NTRK3: variants seen among roughly 807,000 people sequenced by gnomAD.
The protein encoded by NTRK3 is NT-3 growth factor receptor.
In NTRK3, 24 loss-of-function variants were observed where a neutral mutation model predicts 91.7. The ratio of observed to expected loss-of-function variants is 0.26; its 90% CI spans 0.19 to 0.37. The LOEUF (loss-of-function observed/expected upper bound fraction) is 0.37. NTRK3 is among the 10% of genes least tolerant of loss of function. The pLI, the probability that NTRK3 is intolerant of heterozygous loss-of-function variation, is 1.00. For synonymous variants in NTRK3, 483 were observed against 404.0 expected, an observed-to-expected ratio of 1.20 and a Z score of -2.34; for missense variants, 880 against 1,068.9, an observed-to-expected ratio of 0.82 and a Z score of 2.46.
rs537095927 is a variant in NTRK3, at chr15:88,137,646, C to A, written c.465-85G>T. 3.5e-6 allele frequency: 5 copies of A among 1,428,922 alleles called. No individual in the cohort carries two copies. In the African/African-American group the frequency reaches 4.2e-5, roughly 12 times the overall value. The allele number at this position is 1,428,922 out of a possible 1,614,324, so 88.5% of individuals were successfully genotyped here. On this transcript the variant is annotated intron_variant, in intron 6 of 18. Transcript: ENST00000394480. ...CAGGGCTATGAGGACAAGGGGGACCCGACCTGTTCAGGGATTAAGGGGAGA... is the reference window on the plus strand; with the variant it reads ...CAGGGCTATGAGGACAAGGGGGACCAGACCTGTTCAGGGATTAAGGGGAGA...
intron 16 of NTRK3, among the ~76,000 whole-genome samples, chr15:87,932,747 T>C (rs924150028): frequency 6.6e-6 from 1 of 152,188 alleles, no homozygotes; most frequent in Non-Finnish European, 1.5e-5. Context: ...TCTGGACCTA[T>C]TCCAGACCCT....
intron 13 of NTRK3, among the ~76,000 whole-genome samples, chr15:88,103,451 A>G (rs915982563): frequency 6.6e-6 from 1 of 152,138 alleles, no homozygotes; most frequent in Non-Finnish European, 1.5e-5. Flanking sequence ...ACAACGACGG[A>G]CAGATATCTG....
intron 15 of NTRK3, among the ~76,000 whole-genome samples, chr15:87,937,135 T>C (rs997643538): frequency 2.0e-5 from 3 of 152,188 alleles, no homozygotes; most frequent in Non-Finnish European, 4.4e-5. Flanking sequence ...CCTTATGACC[T>C]CTACAGAACA....
intron 17 of NTRK3, among the ~76,000 whole-genome samples, chr15:87,891,254 C>A (rs1388058993): frequency 6.6e-6 from 1 of 152,166 alleles, no homozygotes; most frequent in Non-Finnish European, 1.5e-5. Flanking sequence ...GAAAACATAG[C>A]TATGTTTTAA....
chr15:88,099,823 C>G (rs1052161272), intron 13 of NTRK3, among the ~76,000 whole-genome samples: 1 of 152,130 alleles, frequency 6.6e-6, no homozygotes, highest in Non-Finnish European at 1.5e-5. Context: ...GGAAATTGAA[C>G]GCTATGGTGG....
intron 5 of NTRK3, among the ~76,000 whole-genome samples, chr15:88,182,564 C>A (rs936270608): frequency 6.6e-6 from 1 of 152,214 alleles, no homozygotes; most frequent in East Asian, 1.9e-4. Flanking sequence ...CCACCTGGTT[C>A]CTGCAGAGCC....
chr15:88,054,861 T>A (rs144512692), intron 13 of NTRK3, among the ~76,000 whole-genome samples: 94 of 152,318 alleles, frequency 6.2e-4, no homozygotes, highest in African/African-American at 2.1e-3. Context: ...TTTTCCAAAG[T>A]GCAAGTGATT....
At chr15:88,180,530 T>G (rs2046360582) in intron 5 of NTRK3, among the ~76,000 whole-genome samples, 1 of 152,146 alleles carries the variant, frequency 6.6e-6, no homozygotes, top group African/African-American at 2.4e-5. Context: ...AGAATTACAC[T>G]GATTAACGCA....
intron 14 of NTRK3, among the ~76,000 whole-genome samples, chr15:87,986,801 C>G (rs550504708): frequency 6.6e-6 from 1 of 152,230 alleles, no homozygotes; most frequent in African/African-American, 2.4e-5. Flanking sequence ...GCAAACTTAT[C>G]CTATAAAGGA....
At chr15:88,028,060 G>A (rs1160020598) in intron 14 of NTRK3, among the ~76,000 whole-genome samples, 2 of 152,088 alleles carry the variant, frequency 1.3e-5, no homozygotes, top group Non-Finnish European at 2.9e-5. Context: ...GAGGGAAAAT[G>A]GGCATTTCAA....
At chr15:88,097,479 G>A (rs1436473358) in intron 13 of NTRK3, among the ~76,000 whole-genome samples, 1 of 152,106 alleles carries the variant, frequency 6.6e-6, no homozygotes, top group Non-Finnish European at 1.5e-5. Context: ...TTTGTTGATT[G>A]GTCAAACTCT....
At chr15:88,053,333 T>G (rs1271821915) in intron 13 of NTRK3, among the ~76,000 whole-genome samples, 1 of 152,182 alleles carries the variant, frequency 6.6e-6, no homozygotes, top group Non-Finnish European at 1.5e-5. Context: ...CTCCACTTAA[T>G]AGCCAAGGCC....
intron 14 of NTRK3, chr15:87,979,342 T>G (rs201471039): frequency 1.2e-6 from 2 of 1,601,558 alleles, no homozygotes; most frequent in Non-Finnish European, 1.7e-6. Flanking sequence ...TTAAAAGGAG[T>G]TTTTAAAAGC....
intron 17 of NTRK3, among the ~76,000 whole-genome samples, chr15:87,904,883 G>A (rs1483277217): frequency 6.6e-6 from 1 of 152,202 alleles, no homozygotes; most frequent in Non-Finnish European, 1.5e-5. Flanking sequence ...AAGCTAATTT[G>A]CTTGCTTATT....
In NTRK3 at chr15:88,128,704, G is replaced by T. The variant is rs1472783111; in HGVS notation, c.1228+7C>A. ...CAGTTTCAAAGCAACAGGTAAAGCA[G>T]ACTTACACAAGATAAAGTTATCCGT... On this transcript the variant is annotated splice_region_variant and intron_variant, in intron 11 of 18. Transcript: ENST00000394480. The T allele has an allele frequency of 6.2e-7, 1 of 1,613,822 alleles. No individual in the cohort carries two copies. The highest frequency in any genetic ancestry group is 1.3e-5 in the African/African-American group (1 of 74,914).
intron 3 of NTRK3, among the ~76,000 whole-genome samples, chr15:88,223,954 G>A (rs1209798397): frequency 6.6e-6 from 1 of 152,320 alleles, no homozygotes. Flanking sequence ...TCATTCTGTT[G>A]ACCAGAGGGA....
rs572293585 is a variant in NTRK3, at chr15:88,255,115, C to A, written c.248+791G>T. ...CCGATCCGCACGATCACACAAGAAACCCCTCTCCTCAAAACACACGCCCTC... is the reference window on the plus strand; with the variant it reads ...CCGATCCGCACGATCACACAAGAAAACCCTCTCCTCAAAACACACGCCCTC... On this transcript the variant is annotated intron_variant, in intron 3 of 18. Coordinates refer to ENST00000394480, the Ensembl canonical transcript of NTRK3. The surrounding 1 kb of genome is among the most constrained non-coding windows in gnomAD (Gnocchi z 4.3). Among the ~76,000 whole-genome samples, 198 of 152,268 alleles carry A rather than the reference C, an allele frequency of 1.3e-3. No individual in the cohort carries two copies. The highest frequency in any genetic ancestry group is 6.8e-3 in the Middle Eastern group (2 of 294).
intron 13 of NTRK3, among the ~76,000 whole-genome samples, chr15:88,051,018 G>A (rs2080775995): frequency 6.6e-6 from 1 of 152,188 alleles, no homozygotes. Context: ...CCATTTAGGT[G>A]TGTCTTCATT....
chr15:88,054,723 T>C (rs993748294), intron 13 of NTRK3, among the ~76,000 whole-genome samples: 3 of 151,996 alleles, frequency 2.0e-5, no homozygotes, highest in African/African-American at 4.8e-5. Flanking sequence ...GTGGGTTATA[T>C]AGAAATGCTC....
Sources: gnomAD v4.1 joint callset for allele counts (sites outside exome capture counted in the v4.1 genomes callset) on GRCh38, gnomAD v4.1.1 for gene constraint, Gnocchi (gnomAD v3.1) non-coding constraint, MANE v1.5 for transcripts, NCBI Gene and HGNC (gene_info 2026-07-23, HGNC 2026-07-21) for gene names.